Variants in KIAA0232 observed in about 807,000 individuals in gnomAD.
KIAA0232 encodes uncharacterized protein KIAA0232.
Under a neutral mutation model 122.0 loss-of-function variants are expected in KIAA0232, and 27 were observed. That is an observed-to-expected ratio of 0.22 (90% confidence interval 0.16 to 0.31). The LOEUF (loss-of-function observed/expected upper bound fraction) is 0.31. Ranked by LOEUF, KIAA0232 falls within the 10% of genes least tolerant of loss-of-function variation. The probability of loss-of-function intolerance (pLI) is 1.00; values close to 1 mark genes in which losing one functional copy is unlikely to be tolerated. For missense variants in KIAA0232, 1,551 were observed against 1,634.2 expected (o/e 0.95, Z 0.88); for synonymous variants, 613 against 587.6 (o/e 1.04, Z -0.63).
At chr4:6,818,663 C>G (rs1358366157) in intron 2 of KIAA0232, among the ~76,000 whole-genome samples, 1 of 151,490 alleles carries the variant, frequency 6.6e-6, no homozygotes, top group African/African-American at 2.4e-5. Context: ...TCTACATATT[C>G]AACACTGTTC....
At chr4:6,833,242 A>G (rs914195545) in intron 3 of KIAA0232, among the ~76,000 whole-genome samples, 2 of 152,218 alleles carry the variant, frequency 1.3e-5, no homozygotes, top group Non-Finnish European at 2.9e-5. Context: ...GACTTTAATT[A>G]AATAACCTTC....
chr4:6,783,509 C>T (rs1716456781), intron 1 of KIAA0232, among the ~76,000 whole-genome samples: 1 of 152,190 alleles, frequency 6.6e-6, no homozygotes, highest in African/African-American at 2.4e-5. Flanking sequence ...GCGTCCCCGG[C>T]AGCGGGGTCA....
intron 3 of KIAA0232, among the ~76,000 whole-genome samples, chr4:6,827,935 G>A (rs1718777792): frequency 1.3e-5 from 2 of 151,958 alleles, no homozygotes; most frequent in South Asian, 4.1e-4. Context: ...AGATAATCAG[G>A]AAATCACTAC....
intron 3 of KIAA0232, among the ~76,000 whole-genome samples, chr4:6,839,485 A>G (rs138937857): frequency 1.3e-5 from 2 of 152,330 alleles, no homozygotes; most frequent in Non-Finnish European, 2.9e-5. Context: ...TTTATGTGCA[A>G]ATGTGAATGC....
At chr4:6,872,708 T>C (rs540295837) in intron 8 of KIAA0232, among the ~76,000 whole-genome samples, 1 of 152,358 alleles carries the variant, frequency 6.6e-6, no homozygotes, top group East Asian at 1.9e-4. Flanking sequence ...CATTTAAATT[T>C]ACGGGTTCAC....
intron 9 of KIAA0232, among the ~76,000 whole-genome samples, chr4:6,878,399 A>ACATACATG (rs1721869992): frequency 2.6e-5 from 4 of 152,074 alleles, no homozygotes; most frequent in Admixed American, 2.0e-4. Flanking sequence ...ATACATACAT[A>ACATACATG]CATACATACA....
intron 8 of KIAA0232, among the ~76,000 whole-genome samples, chr4:6,873,259 G>C (rs1422995368): frequency 6.6e-6 from 1 of 152,242 alleles, no homozygotes; most frequent in Non-Finnish European, 1.5e-5. Flanking sequence ...GCATGGGCTA[G>C]AATGTAGGTT....
chr4:6,856,684 GA>G lies in KIAA0232; in HGVS notation c.370-468del, dbSNP rs35815919. ...TGAGTGTTCATGTTTCTTTAAAACA[GA>G]AAAAAAAAAAATCACCTTGTTTTCT... On this transcript the variant is annotated intron_variant, in intron 4 of 9. Transcript: ENST00000307659. Among the ~76,000 whole-genome samples, 231 of 149,044 alleles carry G rather than the reference GA, an allele frequency of 1.5e-3. 1 individual carries two copies. Among genetic ancestry groups the G allele is most frequent in the African/African-American group, 4.9e-3 (201 of 40,820 alleles).
chr4:6,830,372 G>A (rs981683338), intron 3 of KIAA0232, among the ~76,000 whole-genome samples: 2 of 149,922 alleles, frequency 1.3e-5, no homozygotes, highest in East Asian at 3.9e-4. Context: ...TAAAATCAGT[G>A]CCCCGTCTTT....
intron 2 of KIAA0232, among the ~76,000 whole-genome samples, chr4:6,807,385 G>C (rs1424844296): frequency 6.6e-6 from 1 of 152,128 alleles, no homozygotes; most frequent in African/African-American, 2.4e-5. Flanking sequence ...ATACTTACGT[G>C]TTTATTTCTG....
At chr4:6,833,180 GC>G (rs1468199803) in intron 3 of KIAA0232, among the ~76,000 whole-genome samples, 1 of 152,116 alleles carries the variant, frequency 6.6e-6, no homozygotes, top group Non-Finnish European at 1.5e-5. Context: ...TGACCATAAA[GC>G]GCTCCTCGTG....
chr4:6,826,041 C>G (rs928336860), intron 3 of KIAA0232, among the ~76,000 whole-genome samples: 4 of 152,062 alleles, frequency 2.6e-5, no homozygotes, highest in East Asian at 3.9e-4. Context: ...CCTTGAACTC[C>G]TGGGCTCAAG....
rs752428517 is a variant in KIAA0232, at chr4:6,800,043, C to CTTTTTTTTTTTT, written c.-353-4459_-353-4448dup. On this transcript the variant is annotated intron_variant, in intron 1 of 9. Coordinates refer to ENST00000307659, the MANE Select transcript of KIAA0232 (RefSeq NM_014743.3). ...TTTCTTTTTCTTTCTTTCTTTCTTT[C>CTTTTTTTTTTTT]TTTTTTTTTTTTTTTTTTTTTTTTT... Among the ~76,000 whole-genome samples the CTTTTTTTTTTTT allele has an allele frequency of 4.5e-3, 267 of 59,996 alleles. 43 individuals carry two copies. Among genetic ancestry groups the CTTTTTTTTTTTT allele is most frequent in the African/African-American group, 5.8e-3 (89 of 15,302 alleles). 39.4% of individuals were successfully genotyped at this position (59,996 alleles called of 152,430 possible).
At chr4:6,860,863 G>C in intron 6 of KIAA0232, 38 bp from the exon 7 acceptor site, 1 of 1,561,158 alleles carries the variant, frequency 6.4e-7, no homozygotes, top group Non-Finnish European at 8.7e-7. Flanking sequence ...TAAAAAATCT[G>C]CATACTCGTG....
intron 1 of KIAA0232, among the ~76,000 whole-genome samples, chr4:6,784,070 C>T (rs150277732): frequency 2.0e-5 from 3 of 152,000 alleles, no homozygotes; most frequent in Admixed American, 6.6e-5. Flanking sequence ...CCGTTTTTGT[C>T]CTCTATAGGC....
intron 7 of KIAA0232, 52 bp downstream of exon 7, chr4:6,864,235 C>A: frequency 6.6e-7 from 1 of 1,519,744 alleles, no homozygotes; most frequent in Non-Finnish European, 8.8e-7. Flanking sequence ...AGAGTTTAAC[C>A]CAAGAACAGA....
chr4:6,852,029 A>G (rs1720313006), intron 4 of KIAA0232, among the ~76,000 whole-genome samples: 1 of 152,130 alleles, frequency 6.6e-6, no homozygotes, highest in African/African-American at 2.4e-5. Context: ...TTTTTTGTTG[A>G]AAACTTTAAC....
At chr4:6,845,501 T>G (rs1468256453) in intron 4 of KIAA0232, among the ~76,000 whole-genome samples, 3 of 151,982 alleles carry the variant, frequency 2.0e-5, no homozygotes, top group Non-Finnish European at 4.4e-5. Flanking sequence ...GCCAAAATGG[T>G]GTTTTCTTTA....
chr4:6,831,590 CATACAGAAAAATGT>C (rs1302539383), intron 3 of KIAA0232, among the ~76,000 whole-genome samples: 1 of 152,128 alleles, frequency 6.6e-6, no homozygotes, highest in Non-Finnish European at 1.5e-5. Flanking sequence ...GCATAAAATG[CATACAGAAAAATGT>C]ACAACTTGAT....
Sources: allele counts gnomAD v4.1 joint callset (sites outside exome capture counted in the v4.1 genomes callset), GRCh38; gene constraint gnomAD v4.1.1; transcripts MANE v1.5; gene names NCBI Gene and HGNC (gene_info 2026-07-23, HGNC 2026-07-21).